Variants in SLAMF9 observed in about 807,000 individuals in gnomAD.
The protein encoded by SLAMF9 is SLAM family member 9, also known as CD2 family member 10.
In SLAMF9, 25 loss-of-function variants were observed where a neutral mutation model predicts 30.4. That is an observed-to-expected ratio of 0.82 (90% CI 0.60 to 1.15). The LOEUF (loss-of-function observed/expected upper bound fraction) is 1.15, where lower values mean the gene tolerates loss of function less well. Ranked by LOEUF, SLAMF9 falls within the 50% of genes most tolerant of loss-of-function variation. The probability of loss-of-function intolerance (pLI) is 0.00; values close to 1 mark genes in which losing one functional copy is unlikely to be tolerated. For missense variants in SLAMF9, 344 were observed against 346.1 expected (o/e 0.99, Z 0.05); for synonymous variants, 129 against 127.2 (o/e 1.01, Z -0.09).
chr1:159,971,745 G>A, the SLAMF9 span, among the ~76,000 whole-genome samples: 23,316 of 152,068 alleles, frequency 0.15, 1,856 homozygotes, highest in Middle Eastern at 0.25. Context: ...GAAAGTGGGC[G>A]TCCTGGCAGC....
upstream of SLAMF9, among the ~76,000 whole-genome samples, chr1:159,957,177 A>G (rs1651941417): frequency 3.4e-5 from 5 of 146,174 alleles, no homozygotes; most frequent in South Asian, 1.1e-3. Flanking sequence ...AGTAGAGAGT[A>G]GAGTGGTGGT....
chr1:159,973,183 T>C, the SLAMF9 span: 1 of 1,513,254 alleles, frequency 6.6e-7, no homozygotes, highest in Non-Finnish European at 9.2e-7. Flanking sequence ...CAGGCTGACC[T>C]CAGGGGGTGC....
Position 159,954,099 on chromosome 1 carries a change from G to C in SLAMF9, c.39C>G (p.Leu13=). The part of the protein sequence containing the change: ...AFPWLLLLLL[L]QEGSQRRLWR... The stretch of plus-strand genomic sequence containing the variant: ...GCTGGCAGCTTCACTCACCCTCCTG[G>C]AGCAGCAGGAGAAGAAGCAGCCAAG... The change falls in exon 1 of 4, where the codon CTC becomes CTG. Residue 13 remains leucine, a synonymous_variant. Transcript: ENST00000368093. 6.2e-7 allele frequency: 1 copy of C among 1,613,948 alleles called. No individual in the cohort carries two copies. The highest frequency in any genetic ancestry group is 8.5e-7 in the Non-Finnish European group (1 of 1,179,980).
rs1476520975 is a variant in SLAMF9, at chr1:159,952,506, C to T, written c.420G>A (p.Val140=). ...YRWLSEPQIT[V]NFESSGEGAC... ...CACCTTCCCCAGAACTCTCAAAGTTCACAGTGATCTGGGGCTCTGACAGCC... is the reference window on the plus strand; with the variant it reads ...CACCTTCCCCAGAACTCTCAAAGTTTACAGTGATCTGGGGCTCTGACAGCC... The change falls in exon 3 of 4, where the codon GTG becomes GTA. Residue 140 remains valine, a synonymous_variant. Coordinates refer to ENST00000368093, the MANE Select transcript of SLAMF9 (RefSeq NM_033438.4). 1 of 1,613,928 alleles carries T rather than the reference C, an allele frequency of 6.2e-7. No homozygotes were observed. Among genetic ancestry groups the T allele is most frequent in the African/African-American group, 1.3e-5 (1 of 74,912 alleles).
the SLAMF9 span, among the ~76,000 whole-genome samples, chr1:159,967,277 A>C: frequency 6.6e-6 from 1 of 152,276 alleles, no homozygotes; most frequent in Middle Eastern, 3.4e-3. Context: ...TCCTAATGCT[A>C]TCCCTCCCTT....
chr1:159,980,726 A>T, the SLAMF9 span: 1 of 152,244 alleles, frequency 6.6e-6, no homozygotes, highest in Non-Finnish European at 1.5e-5. Context: ...TTGTTAGTAG[A>T]GATGGGGTTT....
chr1:159,951,761 A>T lies in SLAMF9; in HGVS notation c.770T>A (p.Ile257Asn), dbSNP rs1322494230. The T allele has an allele frequency of 1.9e-6, 3 of 1,613,980 alleles. No homozygotes were observed. The highest frequency in any genetic ancestry group is 3.3e-5 in the Admixed American group (2 of 59,990). The change falls in exon 4 of 4, where the codon ATC becomes AAC. Residue 257 changes from isoleucine to asparagine, a missense_variant. Physicochemically the swap from Ile to Asn is moderately radical, Grantham distance 149. Coordinates refer to ENST00000368093, the MANE Select transcript of SLAMF9 (RefSeq NM_033438.4). ...CATTTTGTGTCTTTTCTGGACTCGG[A>T]TGACCCAGAGTCCCATGGCCAGAAT... is the stretch of plus-strand genomic sequence containing the variant. Reference protein sequence around the residue: ...LVILAMGLWVIRVQKRHKMPR... With the variant: ...LVILAMGLWVNRVQKRHKMPR...
upstream of SLAMF9, among the ~76,000 whole-genome samples, chr1:159,956,087 T>C (rs1209744742): frequency 1.3e-5 from 2 of 152,188 alleles, no homozygotes; most frequent in Non-Finnish European, 2.9e-5. Flanking sequence ...AGAGCCAACA[T>C]ATGGAATCAA....
the SLAMF9 span, among the ~76,000 whole-genome samples, chr1:159,968,341 G>A: frequency 6.6e-6 from 1 of 152,154 alleles, no homozygotes; most frequent in African/African-American, 2.4e-5. Context: ...TAGGGATAGC[G>A]TGCATGCCTC....
the SLAMF9 span, among the ~76,000 whole-genome samples, chr1:159,966,059 T>G: frequency 6.6e-6 from 1 of 152,200 alleles, no homozygotes; most frequent in East Asian, 1.9e-4. Context: ...TCAAAACTTA[T>G]TCCTCTTGTT....
chr1:159,974,419 C>T, the SLAMF9 span, among the ~76,000 whole-genome samples: 3 of 152,162 alleles, frequency 2.0e-5, no homozygotes, highest in Non-Finnish European at 4.4e-5. Context: ...CTATCTTATT[C>T]CTCCTGAACA....
the SLAMF9 span, among the ~76,000 whole-genome samples, chr1:159,982,127 GTCC>G: frequency 9.2e-5 from 14 of 152,174 alleles, no homozygotes. Context: ...CACTGTTAGA[GTCC>G]TCCTCCTTTC....
chr1:159,968,929 G>A, the SLAMF9 span, among the ~76,000 whole-genome samples: 2 of 152,034 alleles, frequency 1.3e-5, no homozygotes, highest in African/African-American at 2.4e-5. Flanking sequence ...GCAGGCGCCT[G>A]TACTCGGGAG....
chr1:159,981,789 G>A, the SLAMF9 span, among the ~76,000 whole-genome samples: 1 of 152,244 alleles, frequency 6.6e-6, no homozygotes, highest in African/African-American at 2.4e-5. Flanking sequence ...CCAGAAACAG[G>A]GCTAGAAACA....
upstream of SLAMF9, among the ~76,000 whole-genome samples, chr1:159,958,921 G>T (rs1316963): frequency 6.6e-6 from 1 of 151,966 alleles, no homozygotes; most frequent in Non-Finnish European, 1.5e-5. Flanking sequence ...TACTGGTCTC[G>T]GTTTAGAAAT....
chr1:159,979,981 G>A, the SLAMF9 span, among the ~76,000 whole-genome samples: 15 of 152,300 alleles, frequency 9.8e-5, no homozygotes, highest in Admixed American at 8.5e-4. Context: ...AACTTTGGGT[G>A]GTGAGGTCTG....
At chr1:159,952,590 T>G in intron 2 of SLAMF9, 56 bp from the exon 3 acceptor site, 1 of 1,576,872 alleles carries the variant, frequency 6.3e-7, no homozygotes, top group South Asian at 1.1e-5. Context: ...GGGTCTGTTT[T>G]CCTAAGCTCC....
chr1:159,957,361 C>T (rs1651945657), upstream of SLAMF9, among the ~76,000 whole-genome samples: 1 of 152,114 alleles, frequency 6.6e-6, no homozygotes, highest in African/African-American at 2.4e-5. Context: ...CACAGTGGCT[C>T]ACACCTATAA....
the SLAMF9 span, among the ~76,000 whole-genome samples, chr1:159,979,975 T>C: frequency 6.6e-6 from 1 of 152,036 alleles, no homozygotes; most frequent in African/African-American, 2.4e-5. Context: ...TTAGGAAACT[T>C]TGGGTGGTGA....
Sources: allele counts gnomAD v4.1 joint callset (sites outside exome capture counted in the v4.1 genomes callset), GRCh38; gene constraint gnomAD v4.1.1; transcripts MANE v1.5; gene names NCBI Gene and HGNC (gene_info 2026-07-23, HGNC 2026-07-21).